The following SLC10A7 variants were observed in gnomAD, a reference collection of about 807,000 sequenced individuals.
The protein encoded by SLC10A7 is sodium/bile acid cotransporter 7.
SLC10A7 carries 29 observed loss-of-function variants against 43.2 expected under a neutral mutation model. The observed-to-expected ratio is 0.67, with a 90% confidence interval of 0.50 to 0.92. The LOEUF (loss-of-function observed/expected upper bound fraction) is 0.92, where lower values mean the gene tolerates loss of function less well. SLC10A7 is among the 40% of genes least tolerant of loss of function. SLC10A7 has a pLI of 0.00. For synonymous variants in SLC10A7, 152 were observed against 144.8 expected (o/e 1.05, Z -0.35); for missense variants, 295 against 403.2 (o/e 0.73, Z 2.30).
intron 5 of SLC10A7, among the ~76,000 whole-genome samples, chr4:146,425,886 T>G (rs1729312683): frequency 6.6e-6 from 1 of 152,196 alleles, no homozygotes; most frequent in Non-Finnish European, 1.5e-5. Flanking sequence ...AGAATCACAC[T>G]TGAGAATTAC....
intron 4 of SLC10A7, among the ~76,000 whole-genome samples, chr4:146,486,702 G>A (rs1053658574): frequency 6.6e-6 from 1 of 152,186 alleles, no homozygotes; most frequent in Non-Finnish European, 1.5e-5. Context: ...TTTTATGTTT[G>A]AGGTGTACAA....
At chr4:146,431,061 T>C (rs535496516) in intron 5 of SLC10A7, among the ~76,000 whole-genome samples, 1 of 152,286 alleles carries the variant, frequency 6.6e-6, no homozygotes, top group African/African-American at 2.4e-5. Context: ...AAAATTAATA[T>C]AAAAATGAAG....
At chr4:146,413,679 G>T (rs936965894) in intron 5 of SLC10A7, among the ~76,000 whole-genome samples, 4 of 152,090 alleles carry the variant, frequency 2.6e-5, no homozygotes, top group African/African-American at 9.7e-5. Context: ...ATCGTTTGCA[G>T]ACTTTCCATT....
intron 5 of SLC10A7, among the ~76,000 whole-genome samples, chr4:146,383,083 A>T (rs1737748778): frequency 6.6e-6 from 1 of 152,114 alleles, no homozygotes; most frequent in Admixed American, 6.6e-5. Context: ...TGTGACCTGC[A>T]GCCTCATCAC....
intron 5 of SLC10A7, among the ~76,000 whole-genome samples, chr4:146,419,878 A>G (rs1354168311): frequency 6.6e-6 from 1 of 152,174 alleles, no homozygotes; most frequent in Non-Finnish European, 1.5e-5. Flanking sequence ...TTTCGTTTCA[A>G]TATCTACCCA....
chr4:146,451,227 C>T (rs1731561146), intron 4 of SLC10A7, among the ~76,000 whole-genome samples: 1 of 126,746 alleles, frequency 7.9e-6, no homozygotes, highest in African/African-American at 3.0e-5. Context: ...CAGAAGTCTC[C>T]CACCAAAAAA....
At chr4:146,333,840 T>C (rs567559354) in intron 5 of SLC10A7, among the ~76,000 whole-genome samples, 1 of 151,876 alleles carries the variant, frequency 6.6e-6, no homozygotes, top group Admixed American at 6.6e-5. Context: ...CGTGTGTACT[T>C]TAGAGAACAC....
chr4:146,420,886 G>T (rs144448901), intron 5 of SLC10A7, among the ~76,000 whole-genome samples: 59 of 152,124 alleles, frequency 3.9e-4, no homozygotes, highest in African/African-American at 1.3e-3. Context: ...AATTAGCTGT[G>T]TGTGGCATTG....
intron 5 of SLC10A7, among the ~76,000 whole-genome samples, chr4:146,408,266 A>T (rs762827120): frequency 6.6e-6 from 1 of 152,132 alleles, no homozygotes; most frequent in African/African-American, 2.4e-5. Flanking sequence ...ACCAACAGCT[A>T]GCCAGGCACG....
intron 5 of SLC10A7, among the ~76,000 whole-genome samples, chr4:146,397,751 G>A (rs1046844378): frequency 2.0e-5 from 3 of 152,164 alleles, no homozygotes; most frequent in Admixed American, 1.3e-4. Flanking sequence ...AACTGCAACA[G>A]GATGCCCAAG....
At chr4:146,386,400 A>G (rs2149797220) in intron 5 of SLC10A7, among the ~76,000 whole-genome samples, 1 of 152,302 alleles carries the variant, frequency 6.6e-6, no homozygotes, top group Admixed American at 6.5e-5. Flanking sequence ...AGTATAATGA[A>G]CACTCATATA....
At chr4:146,451,175 T>C (rs1213144766) in intron 4 of SLC10A7, among the ~76,000 whole-genome samples, 1 of 98,716 alleles carries the variant, frequency 1.0e-5, no homozygotes, top group Non-Finnish European at 2.0e-5. Flanking sequence ...GAAGCTAAAA[T>C]AGAAAACCCG....
intron 5 of SLC10A7, among the ~76,000 whole-genome samples, chr4:146,421,058 T>C (rs1728932597): frequency 6.6e-6 from 1 of 152,074 alleles, no homozygotes; most frequent in African/African-American, 2.4e-5. Context: ...GAAAGGCTTA[T>C]ACAGAGAATT....
At chr4:146,381,935 C>T (rs1176473627) in intron 5 of SLC10A7, among the ~76,000 whole-genome samples, 1 of 151,948 alleles carries the variant, frequency 6.6e-6, no homozygotes, top group Non-Finnish European at 1.5e-5. Context: ...CTTAAAGAAG[C>T]ATTTGCAGTA....
At chr4:146,445,376 G>C (rs1560914047) in intron 4 of SLC10A7, among the ~76,000 whole-genome samples, 1 of 152,152 alleles carries the variant, frequency 6.6e-6, no homozygotes, top group South Asian at 2.1e-4. Context: ...GTGGGAACGC[G>C]CACAAAGGAA....
chr4:146,445,151 A>C lies in SLC10A7; in HGVS notation c.397-2330T>G, dbSNP rs545862954. Among the ~76,000 whole-genome samples, 464 of 152,186 alleles carry C rather than the reference A, an allele frequency of 3.0e-3. 2 individuals are homozygous for C. The highest frequency in any genetic ancestry group is 0.01 in the African/African-American group (432 of 41,508). ...CTACTTGCAATTCCCCAAACTCATC[A>C]TGCCATTTCTTATCTCCTTGCTCCC... is the stretch of plus-strand genomic sequence containing the variant. On this transcript the variant is annotated intron_variant, in intron 4 of 11. Coordinates refer to ENST00000335472, the MANE Select transcript of SLC10A7 (RefSeq NM_001029998.6).
At chr4:146,488,764 G>A (rs994141602) in intron 4 of SLC10A7, among the ~76,000 whole-genome samples, 1 of 152,140 alleles carries the variant, frequency 6.6e-6, no homozygotes, top group Non-Finnish European at 1.5e-5. Context: ...GAATAATTGA[G>A]AGAAGCAAAA....
At chr4:146,346,357 A>G (rs1560819182) in intron 5 of SLC10A7, among the ~76,000 whole-genome samples, 2 of 152,164 alleles carry the variant, frequency 1.3e-5, no homozygotes, top group Admixed American at 6.6e-5. Flanking sequence ...TATGTGCAAT[A>G]TGTGTAATGT....
chr4:146,443,314 C>T (rs776863491), intron 4 of SLC10A7, among the ~76,000 whole-genome samples: 24 of 152,048 alleles, frequency 1.6e-4, no homozygotes, highest in Non-Finnish European at 3.2e-4. Flanking sequence ...ATGAACAATG[C>T]TGTTAAGACC....
Sources: gnomAD v4.1 joint callset for allele counts (sites outside exome capture counted in the v4.1 genomes callset) on GRCh38, gnomAD v4.1.1 for gene constraint, MANE v1.5 for transcripts, NCBI Gene and HGNC (gene_info 2026-07-23, HGNC 2026-07-21) for gene names.